The following CCDC122 variants were observed in gnomAD, a reference collection of about 807,000 sequenced individuals.
CCDC122 encodes the protein coiled-coil domain-containing protein 122.
In CCDC122, 38 loss-of-function variants were observed where a neutral mutation model predicts 37.0. That is an observed-to-expected ratio of 1.03 (90% CI 0.79 to 1.35). The LOEUF is 1.35. Among genes scored for constraint, CCDC122 ranks in the 40% most tolerant of loss-of-function variants. The probability of loss-of-function intolerance (pLI) is 0.00; values close to 1 mark genes in which losing one functional copy is unlikely to be tolerated. For missense variants in CCDC122, 305 were observed against 310.0 expected (o/e 0.98, Z 0.12); for synonymous variants, 83 against 95.6 (o/e 0.87, Z 0.77).
At chr13:43,827,951 T>G (rs537080793) in intron 3 of CCDC122, among the ~76,000 whole-genome samples, 13 of 152,310 alleles carry the variant, frequency 8.5e-5, no homozygotes, top group African/African-American at 3.1e-4. Context: ...TCAAAGCACA[T>G]GCTTAGAGAA....
chr13:43,832,532 C>G (rs1381749627), downstream of CCDC122, among the ~76,000 whole-genome samples: 1 of 152,070 alleles, frequency 6.6e-6, no homozygotes, highest in Non-Finnish European at 1.5e-5. Flanking sequence ...ATTCCATTTT[C>G]CACAGCCAAA....
chr13:43,865,438 A>G (rs1954246374), intron 4 of CCDC122, among the ~76,000 whole-genome samples: 1 of 152,196 alleles, frequency 6.6e-6, no homozygotes, highest in Admixed American at 6.5e-5. Context: ...AACCATGGAC[A>G]GTACTGAACT....
chr13:43,837,172 G>A lies in CCDC122; in HGVS notation c.*108C>T. 9.4e-7 allele frequency: 1 copy of A among 1,062,006 alleles called. No individual in the cohort carries two copies. Among genetic ancestry groups the A allele is most frequent in the Non-Finnish European group, 1.4e-6 (1 of 738,038 alleles). 65.8% of individuals were successfully genotyped at this position (1,062,006 alleles called of 1,614,324 possible). A position where few individuals can be genotyped will look rare whatever the true frequency, so the allele number is the denominator to read the frequency against. ...CCGAAGACATCTGTCATTAAGACAG[G>A]TCTCTAATAGTGGATGCTTGTTATT... On this transcript the variant is annotated 3_prime_UTR_variant, in exon 7 of 7. Transcript: ENST00000444614.
Position 43,859,792 on chromosome 13 carries a change from T to A in CCDC122, c.435A>T (p.Lys145Asn). 3.1e-6 allele frequency: 5 copies of A among 1,610,122 alleles called. No individual in the cohort carries two copies. The highest frequency in any genetic ancestry group is 4.2e-6 in the Non-Finnish European group (5 of 1,178,734). The change falls in exon 5 of 7, where the codon AAA (lysine) becomes AAT (asparagine). Residue 145 changes from lysine to asparagine, a missense_variant. Transcript: ENST00000444614. ...HKNSLGEVESKWSFMTELHEK... is the reference protein window; with the variant it reads ...HKNSLGEVESNWSFMTELHEK... The stretch of plus-strand genomic sequence containing the variant: ...CATGGAGTTCAGTCATAAATGACCA[T>A]TTGCTCTCTACTTCCCCCAAACTAT...
chr13:43,821,819 T>A (rs1474731520), downstream of CCDC122, among the ~76,000 whole-genome samples: 1 of 152,220 alleles, frequency 6.6e-6, no homozygotes, highest in African/African-American at 2.4e-5. Context: ...AACTCTAGAA[T>A]TTCTTCTTGA....
chr13:43,875,998 C>T (rs1954598756), intron 1 of CCDC122, among the ~76,000 whole-genome samples: 1 of 152,226 alleles, frequency 6.6e-6, no homozygotes, highest in South Asian at 2.1e-4. Context: ...CTCAGACCCA[C>T]ATGGAATAAG....
chr13:43,829,264 A>G (rs1198456544), intron 3 of CCDC122, among the ~76,000 whole-genome samples: 1 of 152,120 alleles, frequency 6.6e-6, no homozygotes, highest in Non-Finnish European at 1.5e-5. Flanking sequence ...TGAGCTGTAG[A>G]TGTGATAATG....
At chr13:43,829,058 A>G (rs1171945751) in intron 3 of CCDC122, among the ~76,000 whole-genome samples, 1 of 152,188 alleles carries the variant, frequency 6.6e-6, no homozygotes, top group African/African-American at 2.4e-5. Context: ...AAGTTTTGAT[A>G]TGGTAAAAAT....
At chr13:43,848,712 C>CA in intron 6 of CCDC122, 2 of 458,302 alleles carry the variant, frequency 4.4e-6, no homozygotes, top group Non-Finnish European at 5.7e-6. Flanking sequence ...CACTGATATT[C>CA]AAAAAAACAT....
chr13:43,864,669 C>T (rs1954217313), intron 4 of CCDC122, among the ~76,000 whole-genome samples: 1 of 152,176 alleles, frequency 6.6e-6, no homozygotes, highest in Non-Finnish European at 1.5e-5. Context: ...ACCCAAACAC[C>T]TCCCACTGGG....
chr13:43,828,145 C>G (rs543072045), intron 3 of CCDC122, among the ~76,000 whole-genome samples: 1 of 152,102 alleles, frequency 6.6e-6, no homozygotes, highest in East Asian at 1.9e-4. Flanking sequence ...ATTACATGCT[C>G]AATTTTTACT....
downstream of CCDC122, among the ~76,000 whole-genome samples, chr13:43,822,347 A>T (rs1176433293): frequency 6.6e-6 from 1 of 152,164 alleles, no homozygotes; most frequent in African/African-American, 2.4e-5. Context: ...GGGGGTGGGG[A>T]ACACAGGCTA....
intron 6 of CCDC122, among the ~76,000 whole-genome samples, chr13:43,852,263 A>C (rs111869199): frequency 7.2e-5 from 11 of 152,286 alleles, no homozygotes; most frequent in African/African-American, 2.6e-4. Context: ...GCTGACAGAC[A>C]AAATAGCCAG....
rs773508959 is a variant in CCDC122 at position 43,837,415 on chromosome 13, C to T, written c.687G>A (p.Arg229=). The T allele has an allele frequency of 4.3e-6, 7 of 1,613,638 alleles. No individual in the cohort carries two copies. Among genetic ancestry groups the T allele is most frequent in the South Asian group, 2.2e-5 (2 of 91,006 alleles). The change falls in exon 7 of 7, where the codon AGG becomes AGA. Residue 229 remains arginine, a synonymous_variant. Transcript: ENST00000444614. The part of the protein sequence containing the change: ...LRKEIEVQHK[R]YDAILKRLHC... ...GCAAACGCTTAAGAATTGCATCATA[C>T]CTCTTATGTTGTACCTATCAAAAGA... is the stretch of plus-strand genomic sequence containing the variant.
intron 2 of CCDC122, among the ~76,000 whole-genome samples, chr13:43,870,870 G>T (rs1461124571): frequency 6.6e-6 from 1 of 151,950 alleles, no homozygotes; most frequent in African/African-American, 2.4e-5. Context: ...TTTTTTATGG[G>T]AAGAATTATG....
intron 6 of CCDC122, among the ~76,000 whole-genome samples, chr13:43,852,393 A>T (rs887654037): frequency 6.6e-6 from 1 of 152,086 alleles, no homozygotes; most frequent in African/African-American, 2.4e-5. Context: ...TCAGAGATCG[A>T]AGACTGGCTT....
At chr13:43,822,205 T>C (rs1310140904), downstream of CCDC122, among the ~76,000 whole-genome samples, 2 of 152,214 alleles carry the variant, frequency 1.3e-5, no homozygotes, top group Non-Finnish European at 2.9e-5. Flanking sequence ...TGCAGACTCA[T>C]AGAGATACTG....
chr13:43,860,616 G>C (rs1450373195), intron 4 of CCDC122, among the ~76,000 whole-genome samples: 2 of 152,090 alleles, frequency 1.3e-5, no homozygotes, highest in African/African-American at 4.8e-5. Flanking sequence ...TTAAAGCCTA[G>C]TTTTCACACC....
chr13:43,868,947 C>T, intron 3 of CCDC122, 144 bp from the exon 4 acceptor site: 2 of 532,614 alleles, frequency 3.8e-6, no homozygotes, highest in South Asian at 7.6e-5. Context: ...TTTTCCCTTG[C>T]TGATATAAAC....
Sources: allele counts gnomAD v4.1 joint callset (sites outside exome capture counted in the v4.1 genomes callset), GRCh38; gene constraint gnomAD v4.1.1; transcripts MANE v1.5; gene names NCBI Gene and HGNC (gene_info 2026-07-23, HGNC 2026-07-21).